PPL: variants seen among roughly 807,000 people sequenced by gnomAD.
PPL encodes the protein periplakin.
A neutral mutation model predicts 194.4 loss-of-function variants in PPL; 198 were observed. That is an observed-to-expected ratio of 1.02 (90% confidence interval 0.91 to 1.15). The LOEUF is 1.15. PPL is among the 50% of genes most tolerant of loss of function. The probability of loss-of-function intolerance (pLI) is 0.00; values close to 1 mark genes in which losing one functional copy is unlikely to be tolerated. For synonymous variants in PPL, 1,220 were observed against 972.4 expected, an observed-to-expected ratio of 1.25 and a Z score of -4.74; for missense variants, 2,885 against 2,294.8, an observed-to-expected ratio of 1.26 and a Z score of -5.25.
At chr16:4,930,764 G>A (rs542986027) in intron 1 of PPL, among the ~76,000 whole-genome samples, 2 of 152,354 alleles carry the variant, frequency 1.3e-5, no homozygotes, top group East Asian at 3.9e-4. Context: ...AAAGGGGTGG[G>A]AGGGGCATTC....
rs750476100 is a variant in PPL, at chr16:4,885,543, C to T, written c.3112G>A (p.Val1038Met). Residue 1038 changes from valine (V) to methionine (M), a missense_variant, in exon 22 of 22, where the codon GTG (valine) becomes ATG (methionine). By Grantham distance (21) the Val-to-Met change is conservative. Transcript: ENST00000345988. The surrounding 1 kb of genome is among the most constrained non-coding windows in gnomAD (Gnocchi z 6.3). ...EAEVLLLQQR[V>M]AALAEEKSRA... ...CTCTTCTCTTCAGCCAGGGCGGCCA[C>T]ACGCTGCTGCAGGAGGAGCACCTCT... 6.2e-7 allele frequency: 1 copy of T among 1,610,630 alleles called. No individual in the cohort carries two copies. Among genetic ancestry groups the T allele is most frequent in the Admixed American group, 1.7e-5 (1 of 60,000 alleles).
rs751792576 is a variant in PPL, at chr16:4,910,831, T to G, written c.162+19A>C. The G allele has an allele frequency of 8.1e-6, 13 of 1,606,412 alleles. No individual in the cohort carries two copies. Among genetic ancestry groups the G allele is most frequent in the Non-Finnish European group, 1.1e-5 (13 of 1,173,542 alleles). ...GCAGCACGGGGCACCCAGGTGGGAGTGGGAGTGGGGGCACTCACACTCTGC... is the reference window on the plus strand; with the variant it reads ...GCAGCACGGGGCACCCAGGTGGGAGGGGGAGTGGGGGCACTCACACTCTGC... On this transcript the variant is annotated intron_variant, in intron 2 of 21. Transcript: ENST00000345988.
At chr16:4,888,874 TCCACC>T in intron 19 of PPL, 99 bp downstream of exon 19, 1 of 1,154,608 alleles carries the variant, frequency 8.7e-7, no homozygotes, top group Non-Finnish European at 1.3e-6. Context: ...GATGGCCAGC[TCCACC>T]CCCATGTGCC....
At chr16:4,910,097 G>A (rs1568032043) in intron 2 of PPL, among the ~76,000 whole-genome samples, 2 of 152,124 alleles carry the variant, frequency 1.3e-5, no homozygotes, top group Non-Finnish European at 2.9e-5. Context: ...CCATTCCAGC[G>A]GCTCGTGAGT....
In PPL at chr16:4,899,222, C is replaced by A. The variant is rs1235236918; in HGVS notation, c.768+1G>T. 3.1e-6 allele frequency: 5 copies of A among 1,613,908 alleles called. No homozygotes were observed. Among genetic ancestry groups the A allele is most frequent in the Non-Finnish European group, 4.2e-6 (5 of 1,179,896 alleles). ...TGATGCCCCAGGCCCCCAGAACCCACCTCATACTGGCGCCGGCGGCTGGGG... is the reference window on the plus strand; with the variant it reads ...TGATGCCCCAGGCCCCCAGAACCCAACTCATACTGGCGCCGGCGGCTGGGG... On this transcript the variant is annotated splice_donor_variant, in intron 7 of 21. Transcript: ENST00000345988. LOFTEE classifies it high-confidence loss of function.
chr16:4,910,740 G>C, intron 2 of PPL, 110 bp downstream of exon 2: 2 of 966,486 alleles, frequency 2.1e-6, no homozygotes, highest in Non-Finnish European at 3.3e-6. Flanking sequence ...ATGTTCCCTC[G>C]GGGCCACAAT....
At chr16:4,899,979 A>G (rs559536613) in intron 6 of PPL, among the ~76,000 whole-genome samples, 1 of 152,242 alleles carries the variant, frequency 6.6e-6, no homozygotes, top group South Asian at 2.1e-4. Context: ...TTCATCCTCA[A>G]AGCGACCCTA....
chr16:4,888,663 A>G (rs1262579809), intron 19 of PPL: 3 of 390,602 alleles, frequency 7.7e-6, no homozygotes, highest in Non-Finnish European at 1.4e-5. Context: ...CCAGCGTACT[A>G]GTTTTGCTAT....
chr16:4,934,693 C>A (rs1031891607), intron 1 of PPL, among the ~76,000 whole-genome samples: 1 of 152,126 alleles, frequency 6.6e-6, no homozygotes, highest in Non-Finnish European at 1.5e-5. Flanking sequence ...ACTTGGGGAT[C>A]CACTCCCTGT....
At chr16:4,920,345 G>GAGAGAGAAAGAAAGAAAGAA (rs1427456398) in intron 1 of PPL, among the ~76,000 whole-genome samples, 1 of 25,168 alleles carries the variant, frequency 4.0e-5, no homozygotes, top group East Asian at 1.5e-3. Flanking sequence ...GAGAGAGAGA[G>GAGAGAGAAAGAAAGAAAGAA]AGAAAGAAAG....
intron 14 of PPL, chr16:4,892,961 C>T (rs978378465): frequency 3.1e-5 from 14 of 454,870 alleles, no homozygotes; most frequent in Admixed American, 3.9e-5. Context: ...AGCCCATGTG[C>T]CATGCCAGGC....
At position 4,937,098 on chromosome 16, in the gene PPL, G is replaced by C. The variant is rs565705505; in HGVS notation, c.-53C>G. On this transcript the variant is annotated 5_prime_UTR_variant, in exon 1 of 22. Transcript: ENST00000345988. Reference sequence around the variant, plus strand: ...GGCTGGCGGGCCGGGCGCGCACCGAGGGGCGGGCGGGAGCGCAGGTGAGCG... The same window carrying C: ...GGCTGGCGGGCCGGGCGCGCACCGACGGGCGGGCGGGAGCGCAGGTGAGCG... 2 of 1,180,054 alleles carry C rather than the reference G, an allele frequency of 1.7e-6. No individual in the cohort carries two copies. Among genetic ancestry groups the C allele is most frequent in the Non-Finnish European group, 1.1e-6 (1 of 950,262 alleles). 73.1% of individuals were successfully genotyped at this position (1,180,054 alleles called of 1,614,324 possible).
chr16:4,892,886 A>G, intron 14 of PPL: 1 of 246,672 alleles, frequency 4.1e-6, no homozygotes, highest in Non-Finnish European at 7.7e-6. Context: ...CCTGGAGTTT[A>G]TAAATACAAA....
chr16:4,899,426 G>A (rs754690934), intron 6 of PPL, 42 bp from the exon 7 acceptor site: 10 of 1,301,130 alleles, frequency 7.7e-6, no homozygotes, highest in Admixed American at 7.3e-5. Flanking sequence ...TCCTCAGCCC[G>A]CTGCCACTGC....
chr16:4,904,914 G>A lies in PPL; in HGVS notation c.163-874C>T, dbSNP rs928312551. The stretch of plus-strand genomic sequence containing the variant: ...TATCTGGAAGGGGCCGTCGATGGTT[G>A]CTGATGAGTACAGGGCTTCTGTTCG... On this transcript the variant is annotated intron_variant, in intron 2 of 21. Transcript: ENST00000345988. 2.6e-5 allele frequency among the ~76,000 whole-genome samples: 4 copies of A among 152,216 alleles called. No individual in the cohort carries two copies. The East Asian group carries it at 7.7e-4, about 29-fold the overall frequency.
rs1456818195 is a variant in PPL, at chr16:4,884,757, CTTGGAA to C, written c.3892_3897del (p.Phe1298_Gln1299del). Reference sequence around the variant, plus strand: ...ACCTCCTCCTTGGTTTGAGGGTCTTCTTGGAATTGGAGGATCTCCTGGACCACCTCT... The same window carrying C: ...ACCTCCTCCTTGGTTTGAGGGTCTTCTTGGAGGATCTCCTGGACCACCTCT... On this transcript the variant is annotated inframe_deletion, in exon 22 of 22. Transcript: ENST00000345988. This position sits in a 1 kb window ranked among gnomAD's most constrained non-coding sequence, Gnocchi z 5.7. 6.2e-7 allele frequency: 1 copy of C among 1,614,176 alleles called. No individual in the cohort carries two copies. Among genetic ancestry groups the C allele is most frequent in the South Asian group, 1.1e-5 (1 of 91,088 alleles).
intron 2 of PPL, 71 bp downstream of exon 2, chr16:4,910,779 A>G: frequency 7.4e-7 from 1 of 1,342,662 alleles, no homozygotes; most frequent in South Asian, 1.2e-5. Flanking sequence ...ACCGATTCCA[A>G]ACAGATCCTG....
chr16:4,892,987 C>T (rs370754120), intron 14 of PPL: 17 of 500,252 alleles, frequency 3.4e-5, no homozygotes, highest in African/African-American at 1.2e-4. Context: ...ATCGACAAGC[C>T]GTGCAGGAAC....
In PPL at chr16:4,892,179, T is replaced by A; in HGVS notation, c.1685A>T (p.Glu562Val). 1 of 1,613,606 alleles carries A rather than the reference T, an allele frequency of 6.2e-7. No individual in the cohort carries two copies. The highest frequency in any genetic ancestry group is 8.5e-7 in the Non-Finnish European group (1 of 1,179,828). ...GCCCTCAGCCGTGCTCCGCGTCTTC[T>A]CAGGTTCAATCCGCAGTAGCTCGTT... is the stretch of plus-strand genomic sequence containing the variant. ...ITNELLRIEP[E>V]KTRSTAEGEA... The change falls in exon 15 of 22, where the codon GAG (glutamate) becomes GTG (valine). Residue 562 changes from glutamate to valine, a missense_variant. Physicochemically the swap from Glu to Val is moderately radical, Grantham distance 121 (BLOSUM62 -2). Transcript: ENST00000345988.
Sources: gnomAD v4.1 joint callset for allele counts (sites outside exome capture counted in the v4.1 genomes callset) on GRCh38, gnomAD v4.1.1 for gene constraint, Gnocchi (gnomAD v3.1) non-coding constraint, MANE v1.5 for transcripts, NCBI Gene and HGNC (gene_info 2026-07-23, HGNC 2026-07-21) for gene names.